Variants in PRKCZ observed in about 807,000 individuals in gnomAD.
PRKCZ encodes the protein protein kinase C zeta.
PRKCZ carries 33 observed loss-of-function variants against 79.5 expected under a neutral mutation model. That is an observed-to-expected ratio of 0.41 (90% CI 0.31 to 0.55). PRKCZ has a LOEUF of 0.55. Ranked by LOEUF, PRKCZ falls within the 20% of genes least tolerant of loss-of-function variation. The pLI, the probability that PRKCZ is intolerant of heterozygous loss-of-function variation, is 0.19. For missense variants in PRKCZ, 578 were observed against 813.5 expected (o/e 0.71, Z 3.52); for synonymous variants, 342 against 320.9 (o/e 1.07, Z -0.70).
rs571233942 is a variant in PRKCZ, at chr1:2,113,629, T to C, written c.335-21633T>C. On this transcript the variant is annotated intron_variant, in intron 4 of 17. Coordinates refer to ENST00000378567, the MANE Select transcript of PRKCZ (RefSeq NM_002744.6). ...TGCAGCCTGCCTGTCTGTGTCCCAG[T>C]TGAGTTGGCAACATTTTTTGTCTTT... Among the ~76,000 whole-genome samples the C allele has an allele frequency of 5.3e-5, 8 of 152,318 alleles. No individual in the cohort carries two copies. The South Asian group carries it at 1.0e-3, about 20-fold the overall frequency.
intron 16 of PRKCZ, among the ~76,000 whole-genome samples, chr1:2,176,191 C>G (rs1685465961): frequency 6.6e-6 from 1 of 152,124 alleles, no homozygotes; most frequent in Non-Finnish European, 1.5e-5. Context: ...TCAGTACTCT[C>G]CTGTGATGAG....
chr1:2,109,176 C>T (rs569795896), intron 4 of PRKCZ, among the ~76,000 whole-genome samples: 7 of 152,336 alleles, frequency 4.6e-5, no homozygotes, highest in African/African-American at 9.6e-5. Context: ...TCTTGGGTCC[C>T]GGGACTTGCA....
intron 5 of PRKCZ, among the ~76,000 whole-genome samples, chr1:2,137,758 A>ACCCTCC (rs1330143712): frequency 6.6e-6 from 1 of 151,448 alleles, no homozygotes; most frequent in Non-Finnish European, 1.5e-5. Context: ...ACCATAAGTG[A>ACCCTCC]CCCTCCCCCT....
chr1:2,143,952 C>T, intron 5 of PRKCZ: 1 of 438,348 alleles, frequency 2.3e-6, no homozygotes, highest in East Asian at 4.1e-5. Flanking sequence ...CCGATGGCAC[C>T]TCCCCTGTGT....
intron 3 of PRKCZ, among the ~76,000 whole-genome samples, chr1:2,058,162 C>T (rs748632488): frequency 2.0e-4 from 31 of 152,286 alleles, no homozygotes; most frequent in African/African-American, 5.3e-4. Flanking sequence ...CCACGGTGCC[C>T]GGCCTAATTT....
intron 4 of PRKCZ, among the ~76,000 whole-genome samples, chr1:2,118,055 G>A (rs1233280462): frequency 7.1e-6 from 1 of 141,006 alleles, no homozygotes; most frequent in African/African-American, 2.6e-5. Flanking sequence ...GGAGTTCAGT[G>A]GCCCGATCTG....
chr1:2,160,793 G>A (rs986057974), intron 10 of PRKCZ, among the ~76,000 whole-genome samples: 3 of 152,164 alleles, frequency 2.0e-5, no homozygotes, highest in Non-Finnish European at 4.4e-5. Flanking sequence ...GCACAGAGCG[G>A]AGCCAGCCTG....
At chr1:2,126,556 G>A (rs973904450) in intron 4 of PRKCZ, among the ~76,000 whole-genome samples, 4 of 152,176 alleles carry the variant, frequency 2.6e-5, no homozygotes, top group African/African-American at 9.7e-5. Flanking sequence ...ACCGCCCTGG[G>A]CCCGTGATGT....
At chr1:2,078,625 G>A (rs1052987830) in intron 4 of PRKCZ, among the ~76,000 whole-genome samples, 2 of 152,072 alleles carry the variant, frequency 1.3e-5, no homozygotes. Flanking sequence ...TTATCACATG[G>A]CCGACTCCCC....
chr1:2,093,556 T>C (rs1264381914), intron 4 of PRKCZ, among the ~76,000 whole-genome samples: 1 of 152,130 alleles, frequency 6.6e-6, no homozygotes, highest in Admixed American at 6.5e-5. Context: ...CCAGTCTCCC[T>C]GGAAAAGGTC....
chr1:2,061,754 A>G (rs1469058217), intron 4 of PRKCZ, among the ~76,000 whole-genome samples: 2 of 152,096 alleles, frequency 1.3e-5, no homozygotes, highest in Non-Finnish European at 2.9e-5. Context: ...GTGTGTGAGA[A>G]CACACTGCCC....
At chr1:2,145,328 A>G (rs1408308795) in intron 6 of PRKCZ, 1 of 152,134 alleles carries the variant, frequency 6.6e-6, no homozygotes, top group East Asian at 1.9e-4. Context: ...CCATTATGAC[A>G]TATCTGCAGG....
intron 4 of PRKCZ, among the ~76,000 whole-genome samples, chr1:2,060,964 G>T (rs1195824603): frequency 2.0e-5 from 3 of 152,206 alleles, no homozygotes; most frequent in African/African-American, 7.2e-5. Flanking sequence ...CCCTGGGAGG[G>T]CACGGTTCAC....
intron 9 of PRKCZ, among the ~76,000 whole-genome samples, chr1:2,152,401 C>T (rs1034452514): frequency 6.6e-6 from 1 of 151,972 alleles, no homozygotes; most frequent in African/African-American, 2.4e-5. Context: ...GGTGTGGTGG[C>T]GCACACCTCT....
At chr1:2,088,312 G>A (rs1664893089) in intron 4 of PRKCZ, among the ~76,000 whole-genome samples, 1 of 152,066 alleles carries the variant, frequency 6.6e-6, no homozygotes, top group Non-Finnish European at 1.5e-5. Context: ...GGGTCTGCAC[G>A]CCCCTCCCTC....
chr1:2,070,432 C>A (rs933207864), intron 4 of PRKCZ, among the ~76,000 whole-genome samples: 5 of 152,160 alleles, frequency 3.3e-5, no homozygotes, highest in Non-Finnish European at 7.4e-5. Context: ...TGGGGTTTGG[C>A]CGGGAGGACA....
chr1:2,135,201 A>G, intron 4 of PRKCZ, 61 bp from the exon 5 acceptor site: 1 of 1,448,196 alleles, frequency 6.9e-7, no homozygotes, highest in Non-Finnish European at 9.6e-7. Flanking sequence ...TCGCAGCTGC[A>G]CCCTGCGTGG....
At chr1:2,055,847 A>G (rs772982650) in intron 2 of PRKCZ, 12 of 350,608 alleles carry the variant, frequency 3.4e-5, no homozygotes, top group Non-Finnish European at 6.2e-5. Flanking sequence ...TCTTCCTCTG[A>G]CCTCCTTTCT....
At chr1:2,084,672 C>T (rs772358120) in intron 4 of PRKCZ, among the ~76,000 whole-genome samples, 5 of 152,186 alleles carry the variant, frequency 3.3e-5, no homozygotes, top group African/African-American at 7.2e-5. Context: ...TGCCCAGCAT[C>T]GGGTCTGTGT....
Sources: gnomAD v4.1 joint callset for allele counts (sites outside exome capture counted in the v4.1 genomes callset) on GRCh38, gnomAD v4.1.1 for gene constraint, MANE v1.5 for transcripts, NCBI Gene and HGNC (gene_info 2026-07-23, HGNC 2026-07-21) for gene names.